FAM186A: variants seen among roughly 807,000 people sequenced by gnomAD.
The protein encoded by FAM186A is protein FAM186A.
Under a neutral mutation model 216.8 loss-of-function variants are expected in FAM186A, and 163 were observed. The observed-to-expected ratio is 0.75, with a 90% confidence interval of 0.66 to 0.86. The LOEUF (loss-of-function observed/expected upper bound fraction) is 0.86. Among genes scored for constraint, FAM186A ranks in the 40% least tolerant of loss-of-function variants. FAM186A has a pLI of 0.00. For missense variants in FAM186A, 2,184 were observed against 2,746.2 expected (o/e 0.80, Z 4.58); for synonymous variants, 805 against 1,025.3 (o/e 0.79, Z 4.10).
chr12:50,350,714 G>A lies in FAM186A; in HGVS notation c.6118C>T (p.Leu2040Phe), dbSNP rs1037228873. 6 of 1,551,534 alleles carry A rather than the reference G, an allele frequency of 3.9e-6. No homozygotes were observed. The African/African-American group carries it at 4.1e-5, about 11-fold the overall frequency. Residue 2040 changes from leucine (L) to phenylalanine (F), a missense_variant, in exon 4 of 8, where the codon CTC (leucine) becomes TTC (phenylalanine). Leu to Phe is a conservative substitution (Grantham distance 22). Around this residue, in one of 7 missense-constraint regions of FAM186A, gnomAD observed 721 missense variants for 816.4 expected, o/e 0.88. Coordinates refer to ENST00000327337, the MANE Select transcript of FAM186A (RefSeq NM_001145475.3). ...PYTDERALLTLMKPTTSPSSL... is the reference protein window; with the variant it reads ...PYTDERALLTFMKPTTSPSSL... ...GATGGTGATGTTGTTGGCTTCATGA[G>A]AGTGAGAAGGGCCCTTTCATCAGTG...
chr12:50,384,248 C>A (rs1387832616), intron 1 of FAM186A, among the ~76,000 whole-genome samples: 1 of 151,694 alleles, frequency 6.6e-6, no homozygotes, highest in Non-Finnish European at 1.5e-5. Flanking sequence ...CCAGCCCGGG[C>A]AACATAGGAG....
chr12:50,362,208 G>A (rs1355660529), intron 2 of FAM186A, among the ~76,000 whole-genome samples: 2 of 151,662 alleles, frequency 1.3e-5, no homozygotes, highest in African/African-American at 4.8e-5. Context: ...CCTGAGCTCA[G>A]GCAATCCACC....
chr12:50,360,627 T>C (rs1040430764), intron 3 of FAM186A, 129 bp downstream of exon 3: 45 of 686,764 alleles, frequency 6.6e-5, no homozygotes, highest in South Asian at 1.4e-4. Flanking sequence ...GGAGGTTGCA[T>C]TGAACTGAGA....
Position 50,353,629 on chromosome 12 carries a change from G to A in FAM186A, c.3203C>T (p.Pro1068Leu). ...LPGALPISGQ[P>L]LTKCIHLTPQ... ...TGTGAGATGAATGCATTTAGTGAGA[G>A]GCTGGCCAGAAATAGGAAGAGCTCC... is the stretch of plus-strand genomic sequence containing the variant. The change falls in exon 4 of 8, where the codon CCT (proline) becomes CTT (leucine). Residue 1068 changes from proline to leucine, a missense_variant. By Grantham distance (98) the Pro-to-Leu change is moderately conservative (BLOSUM62 -3). Coordinates refer to ENST00000327337, the MANE Select transcript of FAM186A (RefSeq NM_001145475.3). The A allele has an allele frequency of 6.5e-7, 1 of 1,532,856 alleles. No individual in the cohort carries two copies. Among genetic ancestry groups the A allele is most frequent in the Non-Finnish European group, 8.8e-7 (1 of 1,139,450 alleles). 95.0% of individuals were successfully genotyped at this position (1,532,856 alleles called of 1,614,324 possible).
chr12:50,342,739 C>T (rs1307097483), intron 4 of FAM186A, among the ~76,000 whole-genome samples: 2 of 148,856 alleles, frequency 1.3e-5, no homozygotes, highest in African/African-American at 2.5e-5. Flanking sequence ...TCCCAAAGTG[C>T]TGGGATTACA....
chr12:50,348,550 C>A (rs1480911136), intron 4 of FAM186A, among the ~76,000 whole-genome samples: 2 of 151,522 alleles, frequency 1.3e-5, no homozygotes, highest in African/African-American at 2.4e-5. Context: ...TTTTATTTGT[C>A]TTTTCTGTTT....
At chr12:50,337,636 G>A (rs946334327) in intron 4 of FAM186A, among the ~76,000 whole-genome samples, 3 of 151,250 alleles carry the variant, frequency 2.0e-5, no homozygotes, top group Non-Finnish European at 4.4e-5. Context: ...GGCGGCTCAC[G>A]CCTGTCATCC....
In FAM186A at chr12:50,360,799, A is replaced by G; in HGVS notation, c.540T>C (p.Ser180=). 6.5e-7 allele frequency: 1 copy of G among 1,546,158 alleles called. No individual in the cohort carries two copies. Among genetic ancestry groups the G allele is most frequent in the Non-Finnish European group, 8.7e-7 (1 of 1,145,386 alleles). The change falls in exon 3 of 8, where the codon AGT becomes AGC. Residue 180 remains serine (S), a synonymous_variant. Coordinates refer to ENST00000327337, the MANE Select transcript of FAM186A (RefSeq NM_001145475.3). ...TCTTCTTTTCGTCGAGGAAAGATGT[A>G]CTAAATCTGCTTAGTATCTTGACAT... ...ENNVKILSRF[S]TSFLDEKKKQ... is the part of the protein sequence containing the mutation.
At chr12:50,345,058 C>G (rs1008125162) in intron 4 of FAM186A, among the ~76,000 whole-genome samples, 2 of 152,052 alleles carry the variant, frequency 1.3e-5, no homozygotes, top group African/African-American at 4.8e-5. Context: ...TCGAGACCAG[C>G]CTGACCAATA....
intron 1 of FAM186A, among the ~76,000 whole-genome samples, chr12:50,373,865 A>G (rs889485885): frequency 3.3e-5 from 5 of 152,016 alleles, no homozygotes; most frequent in South Asian, 2.1e-4. Context: ...TGTTTATTGC[A>G]GCATTATTCA....
At chr12:50,381,827 C>G (rs1174884084) in intron 1 of FAM186A, among the ~76,000 whole-genome samples, 2 of 152,024 alleles carry the variant, frequency 1.3e-5, no homozygotes, top group East Asian at 3.9e-4. Context: ...AGCATGGTGG[C>G]TTGTACCTGT....
In FAM186A at chr12:50,354,472, A is replaced by C. The variant is rs772815362; in HGVS notation, c.2360T>G (p.Val787Gly). 1.3e-6 allele frequency: 2 copies of C among 1,551,616 alleles called. No homozygotes were observed. Reference protein sequence around the residue: ...TLLSYESTDPVINNLIQMILA... With the variant: ...TLLSYESTDPGINNLIQMILA... Reference sequence around the variant, plus strand: ...GATCATTTGTATTAAATTGTTAATTACTGGATCTGTGCTCTCATATGAGAG... The same window carrying C: ...GATCATTTGTATTAAATTGTTAATTCCTGGATCTGTGCTCTCATATGAGAG... The change falls in exon 4 of 8, where the codon GTA (valine) becomes GGA (glycine). Residue 787 changes from valine (V) to glycine (G), a missense_variant. Val to Gly is a moderately radical substitution (Grantham distance 109). Transcript: ENST00000327337.
intron 1 of FAM186A, among the ~76,000 whole-genome samples, chr12:50,381,477 T>A (rs915740282): frequency 1.3e-5 from 2 of 151,982 alleles, no homozygotes; most frequent in African/African-American, 4.8e-5. Context: ...AGACCCACAG[T>A]GGGTAGCAGT....
chr12:50,330,849 C>T, intron 6 of FAM186A, 91 bp from the exon 7 acceptor site: 1 of 1,133,720 alleles, frequency 8.8e-7, no homozygotes, highest in East Asian at 2.8e-5. Flanking sequence ...TCACTGCCAC[C>T]TTGTCCTATA....
chr12:50,388,302 A>G (rs1434511562), intron 1 of FAM186A, among the ~76,000 whole-genome samples: 2 of 152,186 alleles, frequency 1.3e-5, no homozygotes, highest in Admixed American at 1.3e-4. Context: ...CAATATCCCA[A>G]TGGAATAACA....
At chr12:50,361,289 C>T (rs1178521557) in intron 2 of FAM186A, among the ~76,000 whole-genome samples, 1 of 152,236 alleles carries the variant, frequency 6.6e-6, no homozygotes, top group Non-Finnish European at 1.5e-5. Flanking sequence ...ACCTCTGCCT[C>T]CCAGGTTCAA....
At chr12:50,387,773 C>T (rs1159093289) in intron 1 of FAM186A, among the ~76,000 whole-genome samples, 1 of 152,324 alleles carries the variant, frequency 6.6e-6, no homozygotes, top group Admixed American at 6.5e-5. Context: ...CATGTCTAGT[C>T]CCTAGTTTCT....
intron 1 of FAM186A, among the ~76,000 whole-genome samples, chr12:50,386,876 C>CA (rs775978020): frequency 0.011 from 1,152 of 100,434 alleles, 7 homozygotes; most frequent in African/African-American, 0.025. Flanking sequence ...GACTCTGTCT[C>CA]AAAAAAAAAA....
intron 5 of FAM186A, 54 bp downstream of exon 5, chr12:50,333,857 A>T: frequency 1.4e-6 from 2 of 1,474,836 alleles, no homozygotes; most frequent in Non-Finnish European, 1.8e-6. Context: ...TACAAAGCTT[A>T]CCACTTTCAT....
Sources: allele counts gnomAD v4.1 joint callset (sites outside exome capture counted in the v4.1 genomes callset), GRCh38; gene constraint gnomAD v4.1.1; regional missense constraint gnomAD v4.1.1; transcripts MANE v1.5; gene names NCBI Gene and HGNC (gene_info 2026-07-23, HGNC 2026-07-21).